The following DNAH9 variants were observed in gnomAD, a reference collection of about 807,000 sequenced individuals.
DNAH9 encodes the protein dynein axonemal heavy chain 9.
In DNAH9, 345 loss-of-function variants were observed where a neutral mutation model predicts 471.6. The ratio of observed to expected loss-of-function variants is 0.73; its 90% CI spans 0.67 to 0.80. The LOEUF is 0.80. Among genes scored for constraint, DNAH9 ranks in the 30% least tolerant of loss-of-function variants. DNAH9 has a pLI of 0.00. For missense variants in DNAH9, 5,407 were observed against 5,609.2 expected (o/e 0.96, Z 1.15); for synonymous variants, 2,093 against 2,123.6 (o/e 0.99, Z 0.40).
chr17:11,794,357 C>T (rs909412462), intron 42 of DNAH9, among the ~76,000 whole-genome samples: 6 of 152,132 alleles, frequency 3.9e-5, no homozygotes, highest in South Asian at 4.1e-4. Flanking sequence ...CCACTGAGCC[C>T]GGCCTGAGCA....
intron 10 of DNAH9, among the ~76,000 whole-genome samples, chr17:11,642,913 C>T (rs557971534): frequency 3.5e-4 from 54 of 152,264 alleles, no homozygotes; most frequent in South Asian, 1.0e-3. Flanking sequence ...GAAAAAAAAA[C>T]GCCAGCAAAT....
At chr17:11,654,318 T>C (rs1286533106) in intron 14 of DNAH9, among the ~76,000 whole-genome samples, 3 of 41,482 alleles carry the variant, frequency 7.2e-5, no homozygotes, top group Non-Finnish European at 1.0e-4. Context: ...ATTGCGCCAC[T>C]GCACTCCAGC....
intron 57 of DNAH9, among the ~76,000 whole-genome samples, chr17:11,888,022 G>T (rs1597791689): frequency 1.4e-5 from 2 of 147,454 alleles, no homozygotes; most frequent in African/African-American, 5.0e-5. Flanking sequence ...TCGCTTTGTT[G>T]CCCAGGCTGG....
intron 35 of DNAH9, 144 bp downstream of exon 35, chr17:11,757,836 A>T: frequency 1.2e-6 from 1 of 839,868 alleles, no homozygotes; most frequent in Non-Finnish European, 1.8e-6. Context: ...CAGATGGCAA[A>T]GGGGACACAC....
intron 67 of DNAH9, among the ~76,000 whole-genome samples, chr17:11,950,738 G>A (rs563706757): frequency 8.5e-5 from 13 of 152,110 alleles, no homozygotes; most frequent in Admixed American, 6.5e-5. Flanking sequence ...ATGCCTTCAC[G>A]GTTTTCAGAA....
rs11870197 is a variant in DNAH9, at chr17:11,645,300, C to T, written c.1970+601C>T. Among the ~76,000 whole-genome samples the T allele has an allele frequency of 4.8e-3, 734 of 152,310 alleles. 7 individuals are homozygous for T. Among genetic ancestry groups the T allele is most frequent in the African/African-American group, 0.017 (688 of 41,554 alleles). On this transcript the variant is annotated intron_variant, in intron 11 of 68. Transcript: ENST00000262442. Reference sequence around the variant, plus strand: ...GCATTGTTCCAGACAGATTAATTAACAGCACCTCTACCTGGCAAGTAACAC... The same window carrying T: ...GCATTGTTCCAGACAGATTAATTAATAGCACCTCTACCTGGCAAGTAACAC...
intron 30 of DNAH9, among the ~76,000 whole-genome samples, chr17:11,742,933 A>G (rs1395532057): frequency 6.6e-6 from 1 of 152,212 alleles, no homozygotes; most frequent in African/African-American, 2.4e-5. Flanking sequence ...TCCAAGATGC[A>G]GAAAATCCTG....
At position 11,647,052 on chromosome 17, in the gene DNAH9, G is replaced by C. The variant is rs767733962; in HGVS notation, c.1971-20G>C. 1.2e-6 allele frequency: 2 copies of C among 1,611,852 alleles called. No individual in the cohort carries two copies. The highest frequency in any genetic ancestry group is 1.1e-5 in the South Asian group (1 of 90,688). On this transcript the variant is annotated intron_variant, in intron 11 of 68. Transcript: ENST00000262442. ...CTGGGAGGGGGCTTATGAGGTGGCT[G>C]TTGTCTCTGACCCTTGCAGGTATGA...
chr17:11,728,747 C>T (rs1440517359), intron 28 of DNAH9, among the ~76,000 whole-genome samples: 2 of 152,126 alleles, frequency 1.3e-5, no homozygotes, highest in African/African-American at 2.4e-5. Context: ...AAATTCTGTA[C>T]CAGGCACTTT....
chr17:11,798,926 C>A (rs921151735), intron 43 of DNAH9, among the ~76,000 whole-genome samples: 1 of 152,140 alleles, frequency 6.6e-6, no homozygotes, highest in Non-Finnish European at 1.5e-5. Context: ...AACCCCAGTT[C>A]TTTTGAACAC....
chr17:11,846,376 A>G (rs1261109868), intron 49 of DNAH9, among the ~76,000 whole-genome samples: 1 of 150,970 alleles, frequency 6.6e-6, no homozygotes, highest in Non-Finnish European at 1.5e-5. Context: ...CTGTTTTGGT[A>G]CCAGTACCAT....
Position 11,654,355 on chromosome 17 carries a change from C to CAAAAAAAAAAAAAAAAA in DNAH9, c.2595+1360_2595+1376dup, listed in dbSNP as rs527835262. Among the ~76,000 whole-genome samples the CAAAAAAAAAAAAAAAAA allele has an allele frequency of 4.3e-3, 48 of 11,230 alleles. 4 individuals are homozygous for CAAAAAAAAAAAAAAAAA. The highest frequency in any genetic ancestry group is 0.011 in the Admixed American group (6 of 562). The allele number at this position is 11,230 out of a possible 152,430, so 7.4% of individuals were successfully genotyped here. A position where few individuals can be genotyped will look rare whatever the true frequency, so the allele number is the denominator to read the frequency against. Reference sequence around the variant, plus strand: ...TGGGCCACAGAGCGAGACTCCGTCTCAAAAAAAAAAAAAAAAAAAAAAAGT... The same window carrying CAAAAAAAAAAAAAAAAA: ...TGGGCCACAGAGCGAGACTCCGTCTCAAAAAAAAAAAAAAAAAAAAAAAAAAAAAAAAAAAAAAAAGT... On this transcript the variant is annotated intron_variant, in intron 14 of 68. Coordinates refer to ENST00000262442, the MANE Select transcript of DNAH9 (RefSeq NM_001372.4).
At chr17:11,737,888 C>G (rs1368946860) in intron 28 of DNAH9, among the ~76,000 whole-genome samples, 1 of 152,160 alleles carries the variant, frequency 6.6e-6, no homozygotes, top group Non-Finnish European at 1.5e-5. Flanking sequence ...AGACAGGGAC[C>G]ACAGTTGCGA....
chr17:11,873,054 G>A (rs1274585929), intron 52 of DNAH9, among the ~76,000 whole-genome samples: 2 of 152,222 alleles, frequency 1.3e-5, no homozygotes, highest in African/African-American at 4.8e-5. Flanking sequence ...AGTGATGATT[G>A]TTTTCTCAGA....
chr17:11,599,039 A>T, intron 1 of DNAH9, 124 bp downstream of exon 1: 3 of 804,364 alleles, frequency 3.7e-6, no homozygotes, highest in Non-Finnish European at 3.6e-6. Flanking sequence ...CAAGAGGCGG[A>T]GTGATAGGCA....
At chr17:11,718,306 C>T (rs1015848190) in intron 26 of DNAH9, among the ~76,000 whole-genome samples, 4 of 152,222 alleles carry the variant, frequency 2.6e-5, no homozygotes, top group Admixed American at 2.6e-4. Flanking sequence ...CTACGAATTA[C>T]CACATTTTGC....
intron 61 of DNAH9, among the ~76,000 whole-genome samples, chr17:11,911,609 G>A (rs371587753): frequency 6.6e-6 from 1 of 152,070 alleles, no homozygotes; most frequent in South Asian, 2.1e-4. Flanking sequence ...ATAAATTTCT[G>A]CAAAAAATAA....
At position 11,951,133 on chromosome 17, in the gene DNAH9, A is replaced by C. The variant is rs559097187; in HGVS notation, c.12843+8648A>C. ...GTATAGAAGCAAATTCAGTAGAACT[A>C]TATTTTGCTGTATTGTTTGTAAAGG... On this transcript the variant is annotated intron_variant, in intron 67 of 68. Coordinates refer to ENST00000262442, the MANE Select transcript of DNAH9 (RefSeq NM_001372.4). Among the ~76,000 whole-genome samples the C allele has an allele frequency of 6.6e-5, 10 of 152,346 alleles. No individual in the cohort carries two copies. The East Asian group carries it at 1.9e-3, about 29-fold the overall frequency.
Position 11,690,226 on chromosome 17 carries a change from CAT to C in DNAH9, c.4406_4407del (p.Ile1469ArgfsTer6), listed in dbSNP as rs758200372. 4 of 1,614,198 alleles carry C rather than the reference CAT, an allele frequency of 2.5e-6. No individual in the cohort carries two copies. The highest frequency in any genetic ancestry group is 1.6e-4 in the Middle Eastern group (1 of 6,062). ...CCCTCCTGTGCTCTGATGAGGACCTCATAGAGGTTCTGGAGGATAATCAAGTT... is the reference window on the plus strand; with the variant it reads ...CCCTCCTGTGCTCTGATGAGGACCTCAGAGGTTCTGGAGGATAATCAAGTT... ...VPLLCSDEDL[I>X]EVLEDNQVQL... On this transcript the variant is annotated frameshift_variant, in exon 20 of 69. Transcript: ENST00000262442. LOFTEE classifies it high-confidence loss of function.
Sources: allele counts gnomAD v4.1 joint callset (sites outside exome capture counted in the v4.1 genomes callset), GRCh38; gene constraint gnomAD v4.1.1; transcripts MANE v1.5; gene names NCBI Gene and HGNC (gene_info 2026-07-23, HGNC 2026-07-21).